The following VPS50 variants were observed in gnomAD, a reference collection of about 807,000 sequenced individuals.
The protein encoded by VPS50 is VPS50 subunit of EARP/GARPII complex, also known as syndetin.
VPS50 carries 70 observed loss-of-function variants against 139.7 expected under a neutral mutation model. That is an observed-to-expected ratio of 0.50 (90% CI 0.41 to 0.61). The LOEUF (loss-of-function observed/expected upper bound fraction) is 0.61, where lower values mean the gene tolerates loss of function less well. Among genes scored for constraint, VPS50 ranks in the 20% least tolerant of loss-of-function variants. The pLI is 0.00. For missense variants in VPS50, 921 were observed against 1,133.7 expected, an observed-to-expected ratio of 0.81 and a Z score of 2.69; for synonymous variants, 365 against 376.7, an observed-to-expected ratio of 0.97 and a Z score of 0.36.
In VPS50 at chr7:93,258,357, C is replaced by T. The variant is rs1176922904; in HGVS notation, c.541C>T (p.Gln181Ter). 1.9e-6 allele frequency: 3 copies of T among 1,612,460 alleles called. No homozygotes were observed. Among genetic ancestry groups the T allele is most frequent in the Non-Finnish European group, 2.5e-6 (3 of 1,179,064 alleles). Residue 181 changes from glutamine (Q) to a stop codon, truncating the protein, a stop_gained and splice_region_variant, in exon 8 of 28, where the codon CAA (glutamine) becomes TAA (stop). Transcript: ENST00000305866. LOFTEE classifies it high-confidence loss of function. ...LKSLRTIKTL[Q>*]RTDVRLSEML... ...TTACCTTTGATTTTTGTTTTTTCAGCAAAGAACAGATGTACGGTTAAGTGA... is the reference window on the plus strand; with the variant it reads ...TTACCTTTGATTTTTGTTTTTTCAGTAAAGAACAGATGTACGGTTAAGTGA...
At chr7:93,237,531 T>A (rs1794851676) in intron 1 of VPS50, among the ~76,000 whole-genome samples, 2 of 152,208 alleles carry the variant, frequency 1.3e-5, no homozygotes, top group Non-Finnish European at 2.9e-5. Flanking sequence ...TTGGTATATA[T>A]CACGTTTACA....
chr7:93,322,466 A>G (rs368746509), intron 20 of VPS50, among the ~76,000 whole-genome samples: 2,540 of 151,416 alleles, frequency 0.017, 88 homozygotes, highest in African/African-American at 0.058. Context: ...CGGGCGTGGT[A>G]GCGGGCGCCT....
chr7:93,286,370 G>A (rs1796486511), intron 12 of VPS50, among the ~76,000 whole-genome samples: 1 of 152,134 alleles, frequency 6.6e-6, no homozygotes, highest in Non-Finnish European at 1.5e-5. Context: ...TATGCCAAAT[G>A]AGTCTCCCCT....
At chr7:93,271,119 A>T (rs958633650) in intron 9 of VPS50, 101 bp from the exon 10 acceptor site, 58 of 1,470,220 alleles carry the variant, frequency 3.9e-5, no homozygotes, top group Non-Finnish European at 2.8e-5. Flanking sequence ...CTATACTCTT[A>T]ATCTTTGAAT....
intron 21 of VPS50, among the ~76,000 whole-genome samples, chr7:93,329,679 C>T (rs796276949): frequency 4.1e-4 from 63 of 151,974 alleles, no homozygotes; most frequent in African/African-American, 1.4e-3. Context: ...TAAAAGGGAC[C>T]AATAATCTGA....
intron 18 of VPS50, among the ~76,000 whole-genome samples, chr7:93,308,563 A>G (rs990576469): frequency 5.9e-5 from 9 of 151,818 alleles, no homozygotes; most frequent in African/African-American, 1.7e-4. Flanking sequence ...AATGTTTGTT[A>G]GGTTTTGGTT....
At chr7:93,344,336 C>T (rs1798321524) in intron 23 of VPS50, among the ~76,000 whole-genome samples, 1 of 152,136 alleles carries the variant, frequency 6.6e-6, no homozygotes, top group African/African-American at 2.4e-5. Flanking sequence ...TAAAGCAAGT[C>T]CTGAGTGACC....
intron 9 of VPS50, among the ~76,000 whole-genome samples, chr7:93,269,591 A>G (rs1795945004): frequency 6.6e-6 from 1 of 152,042 alleles, no homozygotes; most frequent in Non-Finnish European, 1.5e-5. Flanking sequence ...CATTGGTTTT[A>G]CTTTTCTGAC....
intron 12 of VPS50, among the ~76,000 whole-genome samples, chr7:93,282,611 T>G (rs79107534): frequency 0.022 from 3,299 of 152,306 alleles, 132 homozygotes; most frequent in African/African-American, 0.075. Context: ...ATACCATAAT[T>G]ATCAGATGCC....
At chr7:93,234,929 C>G (rs1794752290) in intron 1 of VPS50, among the ~76,000 whole-genome samples, 1 of 134,378 alleles carries the variant, frequency 7.4e-6, no homozygotes, top group African/African-American at 3.4e-5. Context: ...GTGCCAGGTA[C>G]TATTCTAAGT....
chr7:93,296,361 T>C (rs538005273), intron 14 of VPS50, among the ~76,000 whole-genome samples: 5 of 152,308 alleles, frequency 3.3e-5, no homozygotes, highest in South Asian at 2.1e-4. Context: ...GAAAATCTTA[T>C]AGTTATTGAA....
chr7:93,245,623 A>G (rs1176723813), intron 2 of VPS50, among the ~76,000 whole-genome samples: 1 of 151,916 alleles, frequency 6.6e-6, no homozygotes, highest in African/African-American at 2.4e-5. Flanking sequence ...AAGCTGGATT[A>G]AAATGTGATC....
chr7:93,333,340 CT>C (rs1177739072), intron 21 of VPS50, among the ~76,000 whole-genome samples: 3 of 152,006 alleles, frequency 2.0e-5, no homozygotes, highest in African/African-American at 7.3e-5. Context: ...TATAGTCACA[CT>C]CATACATACA....
intron 16 of VPS50, among the ~76,000 whole-genome samples, chr7:93,302,772 C>T (rs1055376962): frequency 2.6e-5 from 4 of 151,986 alleles, no homozygotes; most frequent in African/African-American, 9.7e-5. Flanking sequence ...AGGGTAGGCA[C>T]TGGCCCTTTT....
intron 12 of VPS50, chr7:93,276,541 C>T (rs1037014913): frequency 5.8e-5 from 29 of 501,978 alleles, no homozygotes; most frequent in African/African-American, 2.5e-4. Flanking sequence ...CGACTCTTTA[C>T]CATTTCATAG....
chr7:93,269,723 A>C (rs1192403504), intron 9 of VPS50, among the ~76,000 whole-genome samples: 2 of 152,074 alleles, frequency 1.3e-5, no homozygotes, highest in Non-Finnish European at 2.9e-5. Context: ...GGATATTGTC[A>C]GGGGGTTGTG....
At chr7:93,286,609 A>T (rs921338327) in intron 12 of VPS50, among the ~76,000 whole-genome samples, 1 of 152,128 alleles carries the variant, frequency 6.6e-6, no homozygotes, top group African/African-American at 2.4e-5. Context: ...TGCTCTGCAG[A>T]TGTGAAGAAT....
At chr7:93,343,935 A>C (rs983258424) in intron 23 of VPS50, among the ~76,000 whole-genome samples, 2 of 152,198 alleles carry the variant, frequency 1.3e-5, no homozygotes, top group African/African-American at 2.4e-5. Flanking sequence ...CGAGCAAAAT[A>C]ACCAGCTAAC....
chr7:93,255,836 C>G (rs939427805), intron 4 of VPS50, among the ~76,000 whole-genome samples: 1 of 152,144 alleles, frequency 6.6e-6, no homozygotes. Context: ...AGCAAACTCC[C>G]TAAATACCTT....
Sources: gnomAD v4.1 joint callset for allele counts (sites outside exome capture counted in the v4.1 genomes callset) on GRCh38, gnomAD v4.1.1 for gene constraint, MANE v1.5 for transcripts, NCBI Gene and HGNC (gene_info 2026-07-23, HGNC 2026-07-21) for gene names.